The following TTC9 variants were observed in gnomAD, a reference collection of about 807,000 sequenced individuals.
TTC9 encodes the protein tetratricopeptide repeat protein 9A.
Under a neutral mutation model 22.9 loss-of-function variants are expected in TTC9, and 13 were observed. The ratio of observed to expected loss-of-function variants is 0.57; its 90% CI spans 0.37 to 0.90. The LOEUF (loss-of-function observed/expected upper bound fraction) is 0.90. TTC9 is among the 40% of genes least tolerant of loss of function. The pLI is 0.01. For missense variants in TTC9, 280 were observed against 291.8 expected, an observed-to-expected ratio of 0.96 and a Z score of 0.29; for synonymous variants, 148 against 133.2, an observed-to-expected ratio of 1.11 and a Z score of -0.77.
chr14:70,642,290 TC>T lies in TTC9; in HGVS notation c.163del (p.Arg55AspfsTer23). 1 of 1,533,826 alleles carries T rather than the reference TC, an allele frequency of 6.5e-7. No individual in the cohort carries two copies. Among genetic ancestry groups the T allele is most frequent in the Non-Finnish European group, 8.8e-7 (1 of 1,140,338 alleles). On this transcript the variant is annotated frameshift_variant, in exon 1 of 3. Transcript: ENST00000256367. LOFTEE classifies it high-confidence loss of function. ...VGAAAEPAEL[I>X]RRAHEFKSQG... Reference sequence around the variant, plus strand: ...GCGGCGGCCGAGCCGGCCGAGCTCATCCGACGAGCGCACGAGTTCAAAAGCC... The same window carrying T: ...GCGGCGGCCGAGCCGGCCGAGCTCATCGACGAGCGCACGAGTTCAAAAGCC...
intron 1 of TTC9, among the ~76,000 whole-genome samples, chr14:70,664,375 C>T (rs1018974): frequency 0.11 from 16,341 of 151,600 alleles, 1,237 homozygotes; most frequent in East Asian, 0.37. Flanking sequence ...CTGCAGGTAG[C>T]GCTGAGGCCA....
intron 1 of TTC9, among the ~76,000 whole-genome samples, chr14:70,643,020 T>G (rs1156560986): frequency 6.6e-6 from 1 of 152,208 alleles, no homozygotes. Context: ...CTTCCCCAAG[T>G]TTTTTGGCCC....
intron 1 of TTC9, among the ~76,000 whole-genome samples, chr14:70,648,746 A>G (rs1185346925): frequency 6.6e-6 from 1 of 152,234 alleles, no homozygotes; most frequent in Non-Finnish European, 1.5e-5. Context: ...AGATGTCCAT[A>G]TTTGGAACAA....
intron 1 of TTC9, among the ~76,000 whole-genome samples, chr14:70,655,743 AC>A: frequency 6.6e-6 from 1 of 152,130 alleles, no homozygotes; most frequent in Non-Finnish European, 1.5e-5. Flanking sequence ...ATTCCACAGC[AC>A]CACTACACCC....
chr14:70,665,258 A>G (rs1886198691), intron 1 of TTC9, among the ~76,000 whole-genome samples: 1 of 152,176 alleles, frequency 6.6e-6, no homozygotes, highest in Non-Finnish European at 1.5e-5. Context: ...TGTGGACAGG[A>G]CAGCTTTTAG....
chr14:70,675,081 T>A lies in TTC9; in HGVS notation c.*3926T>A, dbSNP rs1254748354. ...CCCTAACACTAGGTATCATCACTTA[T>A]CAAATCTTTCCCAATTTGGTAGCTG... On this transcript the variant is annotated 3_prime_UTR_variant, in exon 3 of 3. Coordinates refer to ENST00000256367, the MANE Select transcript of TTC9 (RefSeq NM_015351.2). 4.6e-5 allele frequency: 7 copies of A among 152,220 alleles called. No individual in the cohort carries two copies. The highest frequency in any genetic ancestry group is 2.9e-5 in the Non-Finnish European group (2 of 68,036). 9.4% of individuals were successfully genotyped at this position (152,220 alleles called of 1,614,324 possible). A position where few individuals can be genotyped will look rare whatever the true frequency, so the allele number is the denominator to read the frequency against.
chr14:70,662,413 C>CAAAA (rs57369399), intron 1 of TTC9, among the ~76,000 whole-genome samples: 1 of 123,234 alleles, frequency 8.1e-6, no homozygotes, highest in African/African-American at 2.8e-5. Context: ...ATCTCTATGC[C>CAAAA]AAAAAAAAAA....
rs549957027 is a variant in TTC9, at chr14:70,672,460, G to C, written c.*1305G>C. On this transcript the variant is annotated 3_prime_UTR_variant, in exon 3 of 3. Transcript: ENST00000256367. ...AACACTTACTGAGGGCATATTGTTT[G>C]CCCATCATTGTGCAATATGCTGTGG... The C allele has an allele frequency of 3.3e-5, 5 of 152,308 alleles. No homozygotes were observed. The highest frequency in any genetic ancestry group is 4.1e-4 in the South Asian group (2 of 4,834). 9.4% of individuals were successfully genotyped at this position (152,308 alleles called of 1,614,324 possible).
intron 1 of TTC9, among the ~76,000 whole-genome samples, chr14:70,642,854 G>T (rs912284800): frequency 3.3e-5 from 5 of 152,208 alleles, no homozygotes; most frequent in Non-Finnish European, 5.9e-5. Flanking sequence ...CGGAAGCAGC[G>T]CCCGGGGTGG....
At chr14:70,648,505 G>T (rs539300018) in intron 1 of TTC9, among the ~76,000 whole-genome samples, 2 of 152,294 alleles carry the variant, frequency 1.3e-5, no homozygotes, top group African/African-American at 4.8e-5. Context: ...CCCCCTCCAA[G>T]GCAAGGAAAT....
intron 1 of TTC9, among the ~76,000 whole-genome samples, chr14:70,659,942 G>T (rs1232376372): frequency 6.6e-6 from 1 of 152,184 alleles, no homozygotes; most frequent in East Asian, 1.9e-4. Flanking sequence ...AAAAAAATGG[G>T]CAAAATACTA....
Position 70,673,754 on chromosome 14 carries a change from C to CAGAG in TTC9, c.*2601_*2604dup, listed in dbSNP as rs1246514889. 21 of 152,232 alleles carry CAGAG rather than the reference C, an allele frequency of 1.4e-4. No individual in the cohort carries two copies. Among genetic ancestry groups the CAGAG allele is most frequent in the African/African-American group, 5.1e-4 (21 of 41,420 alleles). 9.4% of individuals were successfully genotyped at this position (152,232 alleles called of 1,614,324 possible). On this transcript the variant is annotated 3_prime_UTR_variant, in exon 3 of 3. Coordinates refer to ENST00000256367, the MANE Select transcript of TTC9 (RefSeq NM_015351.2). ...GGACTCCGAGTAATTATTCCCTATG[C>CAGAG]AGAGACAGGAGAGAGGTCTTGTTTA... is the stretch of plus-strand genomic sequence containing the variant.
chr14:70,667,640 G>C lies in TTC9; in HGVS notation c.483G>C (p.Gly161=). The stretch of plus-strand genomic sequence containing the variant: ...GCCTCAAAGTCTTGAAGAAGGAAGG[G>C]GAGAACTTCAAGGCCCTTTACCGGT... ...EYCLKVLKKE[G]ENFKALYRSG... is the part of the protein sequence containing the mutation. Residue 161 remains glycine, a synonymous_variant, in exon 2 of 3, where the codon GGG becomes GGC. Coordinates refer to ENST00000256367, the MANE Select transcript of TTC9 (RefSeq NM_015351.2). 6.2e-7 allele frequency: 1 copy of C among 1,613,980 alleles called. No individual in the cohort carries two copies. The highest frequency in any genetic ancestry group is 8.5e-7 in the Non-Finnish European group (1 of 1,179,878).
In TTC9 at chr14:70,642,400, C is replaced by T; in HGVS notation, c.271C>T (p.Leu91=). ...GGCGTTGCTGGAGCTGAAGGGGCTG[C>T]TGCCGCCCCCCGGGGAACGGGAGCG... ...HRALLELKGL[L]PPPGERERDS... is the part of the protein sequence containing the mutation. Residue 91 remains leucine, a synonymous_variant, in exon 1 of 3, where the codon CTG becomes TTG. Transcript: ENST00000256367. The T allele has an allele frequency of 1.2e-6, 2 of 1,601,050 alleles. No individual in the cohort carries two copies. Among genetic ancestry groups the T allele is most frequent in the South Asian group, 1.1e-5 (1 of 89,032 alleles).
At chr14:70,657,465 A>G (rs1295494080) in intron 1 of TTC9, among the ~76,000 whole-genome samples, 1 of 152,212 alleles carries the variant, frequency 6.6e-6, no homozygotes, top group African/African-American at 2.4e-5. Context: ...AACAAAAGAC[A>G]CACTTGACAG....
chr14:70,666,456 G>A (rs1180216951), intron 1 of TTC9, among the ~76,000 whole-genome samples: 3 of 152,156 alleles, frequency 2.0e-5, no homozygotes, highest in African/African-American at 4.8e-5. Context: ...ATACATGAAA[G>A]GGAACTTGAG....
At chr14:70,644,081 C>A (rs1433491180) in intron 1 of TTC9, among the ~76,000 whole-genome samples, 1 of 152,198 alleles carries the variant, frequency 6.6e-6, no homozygotes, top group Non-Finnish European at 1.5e-5. Context: ...GAGGACGAGG[C>A]ACTGTGGATT....
intron 2 of TTC9, among the ~76,000 whole-genome samples, chr14:70,670,449 G>A (rs1227104555): frequency 6.6e-6 from 1 of 152,128 alleles, no homozygotes; most frequent in Non-Finnish European, 1.5e-5. Context: ...CCTAAAGTCA[G>A]GAGTTTGAAA....
At chr14:70,650,899 C>T (rs1431919431) in intron 1 of TTC9, among the ~76,000 whole-genome samples, 1 of 152,028 alleles carries the variant, frequency 6.6e-6, no homozygotes, top group Non-Finnish European at 1.5e-5. Context: ...AAAATTGTCT[C>T]AAGTCATACC....
Sources: allele counts gnomAD v4.1 joint callset (sites outside exome capture counted in the v4.1 genomes callset), GRCh38; gene constraint gnomAD v4.1.1; transcripts MANE v1.5; gene names NCBI Gene and HGNC (gene_info 2026-07-23, HGNC 2026-07-21).